The following CBFB variants were observed in gnomAD, a reference collection of about 807,000 sequenced individuals.
CBFB encodes core-binding factor subunit beta.
A neutral mutation model predicts 30.4 loss-of-function variants in CBFB; 9 were observed. The ratio of observed to expected loss-of-function variants is 0.30; its 90% CI spans 0.18 to 0.52. The LOEUF (loss-of-function observed/expected upper bound fraction) is 0.52. Among genes scored for constraint, CBFB ranks in the 20% least tolerant of loss-of-function variants. The pLI, the probability that CBFB is intolerant of heterozygous loss-of-function variation, is 0.97. For missense variants in CBFB, 170 were observed against 244.0 expected (o/e 0.70, Z 2.02); for synonymous variants, 94 against 84.0 (o/e 1.12, Z -0.65).
Position 67,029,491 on chromosome 16 carries a change from G to A in CBFB, c.78+6G>A. The A allele has an allele frequency of 3.2e-6, 5 of 1,584,196 alleles. No individual in the cohort carries two copies. The highest frequency in any genetic ancestry group is 4.3e-6 in the Non-Finnish European group (5 of 1,166,846). ...AGCTGAGCCGCGAGTGTGAGGTGAGGCAGGCGGGCGGGCGGCTAGGAGGCC... is the reference window on the plus strand; with the variant it reads ...AGCTGAGCCGCGAGTGTGAGGTGAGACAGGCGGGCGGGCGGCTAGGAGGCC... On this transcript the variant is annotated splice_donor_region_variant and intron_variant, in intron 1 of 5. Transcript: ENST00000412916.
intron 3 of CBFB, among the ~76,000 whole-genome samples, chr16:67,054,968 A>G (rs1042999285): frequency 4.7e-5 from 7 of 150,394 alleles, no homozygotes; most frequent in African/African-American, 1.7e-4. Context: ...GGGTTTCACC[A>G]AGAGCTCTTT....
chr16:67,029,245 A>C lies in CBFB; in HGVS notation c.-163A>C. The C allele has an allele frequency of 8.2e-6, 3 of 367,576 alleles. No homozygotes were observed. The Admixed American group carries it at 1.6e-4, about 19-fold the overall frequency. The allele number at this position is 367,576 out of a possible 1,614,324, so 22.8% of individuals were successfully genotyped here. ...GGGCTCGAGCGGGCGGCGGCGCCTC[A>C]GACTCCCCGGAACGGGAGCCCACGC... On this transcript the variant is annotated 5_prime_UTR_variant, in exon 1 of 6. Transcript: ENST00000412916.
At chr16:67,091,292 A>G (rs1470188167) in intron 5 of CBFB, among the ~76,000 whole-genome samples, 1 of 152,256 alleles carries the variant, frequency 6.6e-6, no homozygotes, top group Non-Finnish European at 1.5e-5. Flanking sequence ...TCTGCAGGAT[A>G]TGGATTTTTC....
Position 67,064,830 on chromosome 16 carries a change from TG to T in CBFB, c.283-1851del, listed in dbSNP as rs1294932718. Among the ~76,000 whole-genome samples, 375 of 152,312 alleles carry T rather than the reference TG, an allele frequency of 2.5e-3. 2 individuals are homozygous for T. The highest frequency in any genetic ancestry group is 8.6e-3 in the African/African-American group (359 of 41,570). ...GAAATGGGTTTTTGTTTTTTGTTGT[TG>T]TTTTTTATTGTTGTTGTTTCAGAAG... is the stretch of plus-strand genomic sequence containing the variant. On this transcript the variant is annotated intron_variant, in intron 3 of 5. Coordinates refer to ENST00000412916, the MANE Select transcript of CBFB (RefSeq NM_022845.3).
At chr16:67,041,684 T>C (rs1966532492) in intron 3 of CBFB, among the ~76,000 whole-genome samples, 1 of 151,566 alleles carries the variant, frequency 6.6e-6, no homozygotes. Flanking sequence ...GAAAACTGGC[T>C]GGAACAATTT....
At chr16:67,091,365 TATA>T (rs1443562687) in intron 5 of CBFB, among the ~76,000 whole-genome samples, 1 of 152,242 alleles carries the variant, frequency 6.6e-6, no homozygotes, top group East Asian at 1.9e-4. Context: ...ACAGCTTTGT[TATA>T]ATAACAGCAT....
At chr16:67,072,523 A>G (rs142606126) in intron 4 of CBFB, among the ~76,000 whole-genome samples, 18 of 150,854 alleles carry the variant, frequency 1.2e-4, no homozygotes, top group East Asian at 3.9e-4. Flanking sequence ...CTGGAGTGCA[A>G]TGGCACAATC....
At chr16:67,075,611 G>A (rs1961373559) in intron 4 of CBFB, among the ~76,000 whole-genome samples, 1 of 152,088 alleles carries the variant, frequency 6.6e-6, no homozygotes, top group Admixed American at 6.6e-5. Context: ...CTACTCCAAG[G>A]CATGATGGCA....
chr16:67,034,279 T>C (rs190405891), intron 2 of CBFB, among the ~76,000 whole-genome samples: 1 of 152,348 alleles, frequency 6.6e-6, no homozygotes, highest in Non-Finnish European at 1.5e-5. Context: ...GATTGAATGG[T>C]AAAAAGTATG....
chr16:67,083,436 C>T (rs1961628150), intron 5 of CBFB, among the ~76,000 whole-genome samples: 1 of 151,912 alleles, frequency 6.6e-6, no homozygotes, highest in South Asian at 2.1e-4. Flanking sequence ...GCTGGGATTA[C>T]AGGCGCACAC....
chr16:67,067,425 C>T (rs1349742981), intron 4 of CBFB, among the ~76,000 whole-genome samples: 1 of 152,000 alleles, frequency 6.6e-6, no homozygotes, highest in Non-Finnish European at 1.5e-5. Context: ...AGTTGAGGCA[C>T]GAGAATCGCT....
intron 3 of CBFB, among the ~76,000 whole-genome samples, chr16:67,059,866 T>G (rs567898033): frequency 6.6e-6 from 1 of 152,188 alleles, no homozygotes; most frequent in South Asian, 2.1e-4. Flanking sequence ...AATGCTGGAA[T>G]CCCATATGTA....
intron 5 of CBFB, among the ~76,000 whole-genome samples, chr16:67,087,461 G>A (rs893629657): frequency 2.0e-5 from 3 of 152,054 alleles, no homozygotes; most frequent in African/African-American, 4.8e-5. Flanking sequence ...GAGGCTAGGT[G>A]GGAGGATCGC....
intron 5 of CBFB, 141 bp downstream of exon 5, chr16:67,082,449 T>C: frequency 1.0e-6 from 1 of 994,748 alleles, no homozygotes. Flanking sequence ...TCTCTGGCTT[T>C]GTGTTTATTA....
chr16:67,050,588 A>C (rs992229289), intron 3 of CBFB, among the ~76,000 whole-genome samples: 4 of 152,106 alleles, frequency 2.6e-5, no homozygotes, highest in African/African-American at 9.7e-5. Context: ...TGAGTCCAGG[A>C]GTTTGAGACC....
At chr16:67,048,809 TTTTTTTTTTTTTTC>T (rs974847886) in intron 3 of CBFB, among the ~76,000 whole-genome samples, 2 of 134,264 alleles carry the variant, frequency 1.5e-5, no homozygotes, top group African/African-American at 6.0e-5. Flanking sequence ...GTGTCTAGCC[TTTTTTTTTTTTTTC>T]TTTTTTTTTT....
At chr16:67,064,946 G>A (rs1338378216) in intron 3 of CBFB, among the ~76,000 whole-genome samples, 1 of 152,032 alleles carries the variant, frequency 6.6e-6, no homozygotes, top group African/African-American at 2.4e-5. Flanking sequence ...CACCCAGGCT[G>A]GAGTGCAGTG....
At chr16:67,061,124 C>G (rs748407242) in intron 3 of CBFB, among the ~76,000 whole-genome samples, 10 of 152,158 alleles carry the variant, frequency 6.6e-5, no homozygotes, top group Non-Finnish European at 1.0e-4. Context: ...TATAACATCA[C>G]AAATACTTAT....
chr16:67,047,406 C>A lies in CBFB; in HGVS notation c.282+10651C>A, dbSNP rs1432284206. 4.6e-5 allele frequency among the ~76,000 whole-genome samples: 7 copies of A among 152,070 alleles called. No individual in the cohort carries two copies. The East Asian group carries it at 1.3e-3, about 29-fold the overall frequency. ...GCAGGTTGTTTTTGTGGATGAAAAA[C>A]CTTTTACCCATGTATGCAGTCAGTA... On this transcript the variant is annotated intron_variant, in intron 3 of 5. Coordinates refer to ENST00000412916, the MANE Select transcript of CBFB (RefSeq NM_022845.3).
Sources: allele counts gnomAD v4.1 joint callset (sites outside exome capture counted in the v4.1 genomes callset), GRCh38; gene constraint gnomAD v4.1.1; transcripts MANE v1.5; gene names NCBI Gene and HGNC (gene_info 2026-07-23, HGNC 2026-07-21).